Variants in ATRX observed in about 807,000 individuals in gnomAD.
The protein encoded by ATRX is chromatin remodeler ATRX.
In ATRX, 12 loss-of-function variants were observed where a neutral mutation model predicts 172.6. That is an observed-to-expected ratio of 0.07 (90% CI 0.04 to 0.11). ATRX has a LOEUF of 0.11. ATRX is among the 10% of genes least tolerant of loss of function. The probability of loss-of-function intolerance (pLI) is 1.00; values close to 1 mark genes in which losing one functional copy is unlikely to be tolerated. For missense variants in ATRX, 1,368 were observed against 1,767.4 expected (o/e 0.77, Z 4.05); for synonymous variants, 674 against 594.7 (o/e 1.13, Z -1.94).
chrX:77,587,316 C>A (rs184856725), intron 27 of ATRX, among the ~76,000 whole-genome samples: 1 of 109,990 alleles, frequency 9.1e-6, no homozygotes, highest in African/African-American at 3.3e-5. Context: ...GTTGGTTTAA[C>A]ATGTGAAAAT....
At chrX:77,687,071 T>C (rs2071610805) in intron 7 of ATRX, among the ~76,000 whole-genome samples, 1 of 102,581 alleles carries the variant, frequency 9.7e-6, no homozygotes, top group South Asian at 4.5e-4. Flanking sequence ...GGAGAATCAC[T>C]TGACCCAGGA....
chrX:77,675,490 G>A (rs1231627652), intron 10 of ATRX: 1 of 111,388 alleles, frequency 9.0e-6, no homozygotes, highest in Non-Finnish European at 1.9e-5. Context: ...TCCAGGAAGT[G>A]TTTAAAAGTT....
At chrX:77,700,294 A>G (rs1167870195) in intron 2 of ATRX, among the ~76,000 whole-genome samples, 7 of 112,253 alleles carry the variant, frequency 6.2e-5, no homozygotes, top group African/African-American at 2.3e-4. Context: ...ATACCCCTGC[A>G]TGCCTATTAG....
At chrX:77,600,669 G>A (rs781995434) in intron 22 of ATRX, 105 bp from the exon 23 acceptor site, 1 of 875,653 alleles carries the variant, frequency 1.1e-6, no homozygotes. Context: ...TTTTGGCAGT[G>A]TAGAGAAGCT....
At chrX:77,655,054 T>C (rs1476165874) in intron 13 of ATRX, among the ~76,000 whole-genome samples, 2 of 111,445 alleles carry the variant, frequency 1.8e-5, no homozygotes, top group Non-Finnish European at 3.8e-5. Context: ...AAATACTGTA[T>C]GATTCCACTT....
chrX:77,515,425 A>G (rs1459254403), intron 34 of ATRX, among the ~76,000 whole-genome samples: 1 of 106,467 alleles, frequency 9.4e-6, no homozygotes, highest in African/African-American at 3.4e-5. Flanking sequence ...AGGAGGGGTG[A>G]AAAAAAAAAA....
At chrX:77,636,159 C>A in intron 15 of ATRX, 103 bp from the exon 16 acceptor site, 1 of 778,920 alleles carries the variant, frequency 1.3e-6, no homozygotes. Flanking sequence ...CATTTACTCC[C>A]ACACCACAAA....
Position 77,600,593 on chromosome X carries a change from C to T in ATRX, c.5567-29G>A, listed in dbSNP as rs782458746. 2.5e-6 allele frequency: 3 copies of T among 1,202,667 alleles called. No homozygotes were observed. In the East Asian group the frequency reaches 8.9e-5, roughly 36 times the overall value. On this transcript the variant is annotated intron_variant, in intron 22 of 34. Transcript: ENST00000373344. The stretch of plus-strand genomic sequence containing the variant: ...ATCAAAAGAAATATGGTTAAAGACA[C>T]AAAAATTGTCTATATCAACCAAGTT...
chrX:77,758,435 C>A (rs988919468), intron 1 of ATRX, among the ~76,000 whole-genome samples: 2 of 106,438 alleles, frequency 1.9e-5, no homozygotes, highest in South Asian at 8.4e-4. Context: ...AAGTTACCTA[C>A]AATCTGACCA....
intron 1 of ATRX, among the ~76,000 whole-genome samples, chrX:77,779,367 T>G (rs1157641528): frequency 9.0e-6 from 1 of 110,548 alleles, no homozygotes; most frequent in African/African-American, 3.3e-5. Context: ...GCACCAAAAC[T>G]AATCGTGTAC....
rs377292662 is a variant in ATRX at position 77,693,817 on chromosome X, T to C, written c.484+7A>G. On this transcript the variant is annotated splice_region_variant and intron_variant, in intron 6 of 34. Coordinates refer to ENST00000373344, the MANE Select transcript of ATRX (RefSeq NM_000489.6). The stretch of plus-strand genomic sequence containing the variant: ...TAAATTCATGTTTCATTTTCACTTG[T>C]ATTTACCTCCGCGTTTTTTGAGATT... 6 of 1,177,817 alleles carry C rather than the reference T, an allele frequency of 5.1e-6. No individual in the cohort carries two copies. In the African/African-American group the frequency reaches 8.8e-5, roughly 17 times the overall value.
chrX:77,538,409 C>T (rs996163084), intron 30 of ATRX, among the ~76,000 whole-genome samples: 3 of 110,649 alleles, frequency 2.7e-5, no homozygotes, highest in South Asian at 3.9e-4. Context: ...TAAGTGGGGG[C>T]TAAACAATGT....
chrX:77,716,110 A>ATTTTTTTTTTTTTTTT (rs199639051), intron 2 of ATRX, among the ~76,000 whole-genome samples: 2 of 54,405 alleles, frequency 3.7e-5, no homozygotes, highest in African/African-American at 1.2e-4. Context: ...GTCTCTAAAA[A>ATTTTTTTTTTTTTTTT]TTTTTTTTTT....
intron 1 of ATRX, among the ~76,000 whole-genome samples, chrX:77,719,963 C>T (rs1376676143): frequency 9.0e-6 from 1 of 111,678 alleles, no homozygotes; most frequent in African/African-American, 3.3e-5. Flanking sequence ...TGAAAAAGAA[C>T]GGAAATCATA....
Position 77,717,549 on chromosome X carries a change from A to C in ATRX, c.21-306T>G, listed in dbSNP as rs782303183. 5.6e-5 allele frequency among the ~76,000 whole-genome samples: 6 copies of C among 106,311 alleles called. No homozygotes were observed. The South Asian group carries it at 2.6e-3, about 46-fold the overall frequency. 92.3% of individuals were successfully genotyped at this position (106,311 alleles called of 115,157 possible). A position where few individuals can be genotyped will look rare whatever the true frequency, so the allele number is the denominator to read the frequency against. The stretch of plus-strand genomic sequence containing the variant: ...GCCTTGTGAGGCAGAGGTTGCAGTG[A>C]GCCAAGATCATGCCACTGCACTCTA... On this transcript the variant is annotated intron_variant, in intron 1 of 34. Coordinates refer to ENST00000373344, the MANE Select transcript of ATRX (RefSeq NM_000489.6).
intron 3 of ATRX, 121 bp from the exon 4 acceptor site, chrX:77,697,756 G>A: frequency 3.7e-6 from 2 of 540,891 alleles, no homozygotes; most frequent in Non-Finnish European, 5.7e-6. Context: ...TATGTGCCTA[G>A]AATATTTTTC....
chrX:77,617,238 G>A (rs2067390918), intron 21 of ATRX, among the ~76,000 whole-genome samples: 1 of 111,867 alleles, frequency 8.9e-6, no homozygotes, highest in Non-Finnish European at 1.9e-5. Flanking sequence ...CCCTCTACAA[G>A]CACTCTTGAA....
At chrX:77,529,575 G>A (rs902127789) in intron 30 of ATRX, among the ~76,000 whole-genome samples, 5 of 111,289 alleles carry the variant, frequency 4.5e-5, no homozygotes, top group Non-Finnish European at 9.4e-5. Context: ...ATAAGCAAAG[G>A]AGAAATAAGA....
At chrX:77,780,078 C>A (rs1384230289) in intron 1 of ATRX, among the ~76,000 whole-genome samples, 2 of 111,855 alleles carry the variant, frequency 1.8e-5, no homozygotes, top group African/African-American at 3.2e-5. Flanking sequence ...TCCTAAGCCA[C>A]AATAATTACC....
Sources: gnomAD v4.1 joint callset for allele counts (sites outside exome capture counted in the v4.1 genomes callset) on GRCh38, gnomAD v4.1.1 for gene constraint, MANE v1.5 for transcripts, NCBI Gene and HGNC (gene_info 2026-07-23, HGNC 2026-07-21) for gene names.